The following ANK3 variants were observed in gnomAD, a reference collection of about 807,000 sequenced individuals.
ANK3 encodes ankyrin-3.
ANK3 carries 57 observed loss-of-function variants against 370.9 expected under a neutral mutation model. The ratio of observed to expected loss-of-function variants is 0.15; its 90% CI spans 0.12 to 0.19. ANK3 has a LOEUF of 0.19. Ranked by LOEUF, ANK3 falls within the 10% of genes least tolerant of loss-of-function variation. The probability of loss-of-function intolerance (pLI) is 1.00; values close to 1 mark genes in which losing one functional copy is unlikely to be tolerated. For synonymous variants in ANK3, 1,929 were observed against 1,946.3 expected (o/e 0.99, Z 0.23); for missense variants, 4,439 against 5,302.1 (o/e 0.84, Z 5.06).
intron 42 of ANK3, among the ~76,000 whole-genome samples, chr10:60,055,171 T>G (rs1589321527): frequency 9.6e-6 from 1 of 104,186 alleles, no homozygotes; most frequent in Non-Finnish European, 2.5e-5. Context: ...ATCTCTTTAA[T>G]TTTTAAAACA....
In ANK3 at chr10:60,322,203, T is replaced by C. The variant is rs139569854; in HGVS notation, c.115-42564A>G. 7.2e-5 allele frequency among the ~76,000 whole-genome samples: 11 copies of C among 152,324 alleles called. No homozygotes were observed. In the East Asian group the frequency reaches 1.7e-3, roughly 24 times the overall value. ...TTAAGCTATTTTAATAAAATGGCTA[T>C]AGACCTCACTATACTTCTATTTATC... On this transcript the variant is annotated intron_variant, in intron 1 of 43. Coordinates refer to ENST00000280772, the MANE Select transcript of ANK3 (RefSeq NM_020987.5).
At position 60,091,823 on chromosome 10, in the gene ANK3, C is replaced by T. The variant is rs371220395; in HGVS notation, c.3329-3465G>A. Among the ~76,000 whole-genome samples, 249 of 152,086 alleles carry T rather than the reference C, an allele frequency of 1.6e-3. 1 individual carries two copies. Among genetic ancestry groups the T allele is most frequent in the African/African-American group, 5.1e-3 (211 of 41,520 alleles). ...TCCACTCACTGCAAGCTCTGCCTCC[C>T]GGGTTCAAGCACCCCTCCTGCCTCA... On this transcript the variant is annotated intron_variant, in intron 28 of 43. Coordinates refer to ENST00000280772, the MANE Select transcript of ANK3 (RefSeq NM_020987.5).
intron 7 of ANK3, among the ~76,000 whole-genome samples, chr10:60,238,976 T>C (rs1440300372): frequency 1.3e-5 from 2 of 152,010 alleles, no homozygotes; most frequent in Non-Finnish European, 1.5e-5. Flanking sequence ...ATGGAAACAT[T>C]TGATAAGAAA....
At chr10:60,665,007 C>G (rs2078979110) in intron 1 of ANK3, among the ~76,000 whole-genome samples, 1 of 152,126 alleles carries the variant, frequency 6.6e-6, no homozygotes, top group South Asian at 2.1e-4. Context: ...ACAGAAAGTA[C>G]TTCCTATCCC....
At chr10:60,566,109 A>G (rs1433836996) in intron 2 of ANK3, among the ~76,000 whole-genome samples, 1 of 152,014 alleles carries the variant, frequency 6.6e-6, no homozygotes, top group East Asian at 1.9e-4. Flanking sequence ...AGGATCAGTG[A>G]TGTTTGAAGT....
chr10:60,482,862 G>T (rs1379663081), intron 2 of ANK3, among the ~76,000 whole-genome samples: 1 of 152,064 alleles, frequency 6.6e-6, no homozygotes, highest in African/African-American at 2.4e-5. Context: ...TCATCCAAAA[G>T]ATTCTAATCC....
chr10:60,112,225 G>C (rs746916848), intron 26 of ANK3, among the ~76,000 whole-genome samples: 31 of 151,700 alleles, frequency 2.0e-4, no homozygotes, highest in Non-Finnish European at 4.0e-4. Flanking sequence ...TTGATTTGTA[G>C]AGAATACAAA....
At chr10:60,218,077 C>T (rs2096970311) in intron 8 of ANK3, among the ~76,000 whole-genome samples, 1 of 149,842 alleles carries the variant, frequency 6.7e-6, no homozygotes, top group Non-Finnish European at 1.5e-5. Flanking sequence ...GATTGCAACC[C>T]CTGCTTTTTC....
rs956943151 is a variant in ANK3 at position 60,127,245 on chromosome 10, A to G, written c.2841+7026T>C. Among the ~76,000 whole-genome samples the G allele has an allele frequency of 2.6e-5, 4 of 152,200 alleles. No homozygotes were observed. The East Asian group carries it at 7.7e-4, about 29-fold the overall frequency. ...CCTAAAGTAATTGCTGTAATCCAGG[A>G]GATAGGAATGCTCTGAACGGCCAGA... On this transcript the variant is annotated intron_variant, in intron 25 of 43. Coordinates refer to ENST00000280772, the MANE Select transcript of ANK3 (RefSeq NM_020987.5).
chr10:60,496,193 G>A (rs1352780410), intron 2 of ANK3, among the ~76,000 whole-genome samples: 1 of 152,122 alleles, frequency 6.6e-6, no homozygotes, highest in African/African-American at 2.4e-5. Context: ...TCTACTTGCT[G>A]TATTCCCAGT....
intron 23 of ANK3, among the ~76,000 whole-genome samples, chr10:60,142,376 C>T (rs770928696): frequency 6.6e-6 from 1 of 152,130 alleles, no homozygotes; most frequent in Non-Finnish European, 1.5e-5. Context: ...GAATGTATTG[C>T]CAGTAAACAC....
At chr10:60,368,717 T>G (rs573561615) in intron 1 of ANK3, among the ~76,000 whole-genome samples, 47 of 152,340 alleles carry the variant, frequency 3.1e-4, no homozygotes, top group Middle Eastern at 3.4e-3. Context: ...TGCTGTCATG[T>G]GTTTTAGAAG....
chr10:60,201,708 CTTTTTT>C (rs10544317), intron 12 of ANK3, among the ~76,000 whole-genome samples: 1 of 120,280 alleles, frequency 8.3e-6, no homozygotes. Flanking sequence ...GAAATCACTT[CTTTTTT>C]TTTTTTTTTT....
chr10:60,440,315 G>C (rs564002770), intron 2 of ANK3, among the ~76,000 whole-genome samples: 16 of 152,140 alleles, frequency 1.1e-4, no homozygotes, highest in Non-Finnish European at 1.8e-4. Flanking sequence ...AATTTATAAA[G>C]AAAATAGGTA....
Position 60,584,495 on chromosome 10 carries a change from G to A in ANK3, c.96+30691C>T, listed in dbSNP as rs962935028. Among the ~76,000 whole-genome samples the A allele has an allele frequency of 2.6e-5, 4 of 152,072 alleles. No individual in the cohort carries two copies. In the East Asian group the frequency reaches 5.8e-4, roughly 22 times the overall value. ...TAGCCAGGTGTGGTGGCAAGTGCCT[G>A]TAGTCCCAGCTACTCAGAAGGCTGA... is the stretch of plus-strand genomic sequence containing the variant. On this transcript the variant is annotated intron_variant, in intron 2 of 43. Transcript: ENST00000373827.
At chr10:60,716,098 C>A (rs983406109) in intron 1 of ANK3, among the ~76,000 whole-genome samples, 1 of 152,040 alleles carries the variant, frequency 6.6e-6, no homozygotes, top group Non-Finnish European at 1.5e-5. Context: ...TATTACCAGA[C>A]ATGAATATTA....
chr10:60,484,910 A>G (rs1373620731), intron 2 of ANK3, among the ~76,000 whole-genome samples: 1 of 152,098 alleles, frequency 6.6e-6, no homozygotes, highest in Non-Finnish European at 1.5e-5. Context: ...ACACACACAT[A>G]TGTGTGTCTG....
chr10:60,153,145 TGAA>T (rs2095211064), intron 23 of ANK3, among the ~76,000 whole-genome samples: 1 of 152,220 alleles, frequency 6.6e-6, no homozygotes, highest in South Asian at 2.1e-4. Context: ...TGAAAATGAA[TGAA>T]GTTCAATTAT....
At chr10:60,694,626 A>C (rs2079415143) in intron 1 of ANK3, among the ~76,000 whole-genome samples, 1 of 152,202 alleles carries the variant, frequency 6.6e-6, no homozygotes, top group Non-Finnish European at 1.5e-5. Flanking sequence ...TTCAACCCAG[A>C]ATTTCATATC....
Sources: allele counts gnomAD v4.1 joint callset (sites outside exome capture counted in the v4.1 genomes callset), GRCh38; gene constraint gnomAD v4.1.1; transcripts MANE v1.5; gene names NCBI Gene and HGNC (gene_info 2026-07-23, HGNC 2026-07-21).